Variants in RBFOX1 observed in about 807,000 individuals in gnomAD.
RBFOX1 encodes RNA binding fox-1 homolog 1.
Under a neutral mutation model 57.7 loss-of-function variants are expected in RBFOX1, and 8 were observed. The ratio of observed to expected loss-of-function variants is 0.14; its 90% confidence interval spans 0.08 to 0.25. The LOEUF (loss-of-function observed/expected upper bound fraction) is 0.25. RBFOX1 is among the 10% of genes least tolerant of loss of function. The pLI, the probability that RBFOX1 is intolerant of heterozygous loss-of-function variation, is 1.00. For missense variants in RBFOX1, 611 were observed against 548.5 expected (o/e 1.11, Z -1.14); for synonymous variants, 326 against 222.4 (o/e 1.47, Z -4.15).
At chr16:7,086,939 T>C (rs1160570788) in intron 4 of RBFOX1, among the ~76,000 whole-genome samples, 1 of 152,064 alleles carries the variant, frequency 6.6e-6, no homozygotes, top group East Asian at 1.9e-4. Context: ...CCTTCCCTTT[T>C]CCCGGTCCAC....
chr16:5,894,666 A>G (rs2058119317), intron 4 of RBFOX1, among the ~76,000 whole-genome samples: 1 of 152,186 alleles, frequency 6.6e-6, no homozygotes, highest in Admixed American at 6.5e-5. Flanking sequence ...GAAGCAAAGG[A>G]AAAATGAGAA....
intron 3 of RBFOX1, among the ~76,000 whole-genome samples, chr16:5,660,250 C>T (rs1221420160): frequency 6.6e-6 from 1 of 151,304 alleles, no homozygotes; most frequent in African/African-American, 2.4e-5. Context: ...TCTCAAGCGC[C>T]CCAGTGAGAG....
intron 4 of RBFOX1, among the ~76,000 whole-genome samples, chr16:5,894,300 T>C (rs1353443219): frequency 6.6e-6 from 1 of 152,188 alleles, no homozygotes; most frequent in Non-Finnish European, 1.5e-5. Context: ...TTTTTTTGTA[T>C]GAGATGGAGT....
chr16:7,475,476 G>A (rs890354127), intron 4 of RBFOX1, among the ~76,000 whole-genome samples: 2 of 151,954 alleles, frequency 1.3e-5, no homozygotes, highest in African/African-American at 4.8e-5. Context: ...CACCACACCT[G>A]GCTAACTTTT....
chr16:7,189,878 C>T (rs1223881714), intron 4 of RBFOX1, among the ~76,000 whole-genome samples: 1 of 152,168 alleles, frequency 6.6e-6, no homozygotes, highest in Non-Finnish European at 1.5e-5. Context: ...TGCAATAGGC[C>T]CAACTCACAT....
intron 1 of RBFOX1, among the ~76,000 whole-genome samples, chr16:6,195,667 C>T (rs2097175231): frequency 6.6e-6 from 1 of 150,990 alleles, no homozygotes; most frequent in Non-Finnish European, 1.5e-5. Flanking sequence ...TGCAGTGAGC[C>T]GAGATTGCAC....
intron 2 of RBFOX1, among the ~76,000 whole-genome samples, chr16:6,535,686 C>T (rs189931313): frequency 6.6e-6 from 1 of 152,284 alleles, no homozygotes; most frequent in Non-Finnish European, 1.5e-5. Context: ...GACCCATGGA[C>T]ATTTTTGAGG....
intron 1 of RBFOX1, among the ~76,000 whole-genome samples, chr16:5,434,642 C>T (rs2067860580): frequency 6.6e-6 from 1 of 152,080 alleles, no homozygotes; most frequent in African/African-American, 2.4e-5. Context: ...TCCTTCGTGC[C>T]TCTAAATTGT....
At chr16:6,299,721 C>T (rs1043186928) in intron 1 of RBFOX1, among the ~76,000 whole-genome samples, 5 of 152,102 alleles carry the variant, frequency 3.3e-5, no homozygotes, top group East Asian at 1.9e-4. Flanking sequence ...TTTGCAGTGG[C>T]CAAAAGCGTG....
chr16:6,615,921 C>G (rs1301297933), intron 2 of RBFOX1, among the ~76,000 whole-genome samples: 1 of 152,178 alleles, frequency 6.6e-6, no homozygotes, highest in Non-Finnish European at 1.5e-5. Context: ...CATAACCTCC[C>G]TCGGTGCAGA....
chr16:5,450,762 A>G (rs1430782238), intron 1 of RBFOX1, among the ~76,000 whole-genome samples: 1 of 152,180 alleles, frequency 6.6e-6, no homozygotes, highest in Non-Finnish European at 1.5e-5. Flanking sequence ...GAGTTGCTGC[A>G]GGCCCCCTTG....
intron 1 of RBFOX1, among the ~76,000 whole-genome samples, chr16:5,240,706 A>C (rs1339684631): frequency 2.0e-5 from 3 of 152,150 alleles, no homozygotes; most frequent in African/African-American, 4.8e-5. Flanking sequence ...CAGAGAGGCA[A>C]AGTTCCTTGC....
At chr16:5,696,204 C>G (rs900665692) in intron 3 of RBFOX1, among the ~76,000 whole-genome samples, 2 of 152,110 alleles carry the variant, frequency 1.3e-5, no homozygotes, top group African/African-American at 4.8e-5. Flanking sequence ...GAGCTGATGC[C>G]TCTGGGTACC....
At chr16:6,081,321 T>C (rs1224717931) in intron 1 of RBFOX1, among the ~76,000 whole-genome samples, 1 of 152,214 alleles carries the variant, frequency 6.6e-6, no homozygotes, top group East Asian at 1.9e-4. Context: ...GCTGGGCTCG[T>C]CCCCTGGGTG....
chr16:5,379,165 C>A lies in RBFOX1; in HGVS notation c.220-88051C>A, dbSNP rs1390862822. ...GTTAGGAGCCAGGGCCAGGGTCATG[C>A]GGGTGCTTCATCTCAAGGCACTGAC... On this transcript the variant is annotated intron_variant, in intron 1 of 2. Transcript: ENST00000585867. Among the ~76,000 whole-genome samples, 2 of 151,566 alleles carry A rather than the reference C, an allele frequency of 1.3e-5. 1 individual carries two copies. The highest frequency in any genetic ancestry group is 4.9e-5 in the African/African-American group (2 of 40,868).
At chr16:6,932,508 A>C (rs2076726280) in intron 3 of RBFOX1, among the ~76,000 whole-genome samples, 1 of 152,214 alleles carries the variant, frequency 6.6e-6, no homozygotes, top group Non-Finnish European at 1.5e-5. Flanking sequence ...TTGATGGATT[A>C]CATCCTTAGG....
chr16:5,653,581 C>A (rs1388707977), intron 3 of RBFOX1, among the ~76,000 whole-genome samples: 1 of 152,082 alleles, frequency 6.6e-6, no homozygotes, highest in Admixed American at 6.6e-5. Context: ...GGGGTGATTG[C>A]CTCTCCCTGA....
chr16:6,130,518 A>G (rs1357946722), intron 1 of RBFOX1, among the ~76,000 whole-genome samples: 2 of 152,210 alleles, frequency 1.3e-5, no homozygotes, highest in Admixed American at 6.5e-5. Flanking sequence ...AGCTTGAAAG[A>G]CAACCATAGA....
At chr16:7,519,873 G>GTTCTGT in intron 5 of RBFOX1, 1 of 373,592 alleles carries the variant, frequency 2.7e-6, no homozygotes, top group Non-Finnish European at 3.7e-6. Context: ...TAGTTTTGAC[G>GTTCTGT]TTTTGTTTTT....
Sources: allele counts gnomAD v4.1 joint callset (sites outside exome capture counted in the v4.1 genomes callset), GRCh38; gene constraint gnomAD v4.1.1; transcripts MANE v1.5; gene names NCBI Gene and HGNC (gene_info 2026-07-23, HGNC 2026-07-21).